FREM1: variants seen among roughly 807,000 people sequenced by gnomAD.
FREM1 encodes the protein FRAS1-related extracellular matrix protein 1.
Under a neutral mutation model 210.1 loss-of-function variants are expected in FREM1, and 220 were observed. That is an observed-to-expected ratio of 1.05 (90% confidence interval 0.94 to 1.17). FREM1 has a LOEUF of 1.17. Among genes scored for constraint, FREM1 ranks in the 50% most tolerant of loss-of-function variants. The pLI, the probability that FREM1 is intolerant of heterozygous loss-of-function variation, is 0.00. For synonymous variants in FREM1, 1,189 were observed against 980.2 expected (o/e 1.21, Z -3.98); for missense variants, 3,454 against 2,675.5 (o/e 1.29, Z -6.42).
intron 24 of FREM1, among the ~76,000 whole-genome samples, chr9:14,777,716 A>T (rs1178799571): frequency 6.6e-6 from 1 of 152,190 alleles, no homozygotes; most frequent in Admixed American, 6.5e-5. Context: ...TTTGACTAAC[A>T]ATCCCTTTAT....
chr9:14,882,641 A>G (rs1834995991), intron 1 of FREM1, among the ~76,000 whole-genome samples: 1 of 151,446 alleles, frequency 6.6e-6, no homozygotes, highest in African/African-American at 2.4e-5. Context: ...TATTTTTAGT[A>G]GAGATGGGGT....
At chr9:14,750,756 G>A (rs1040342221) in intron 29 of FREM1, among the ~76,000 whole-genome samples, 11 of 152,004 alleles carry the variant, frequency 7.2e-5, no homozygotes, top group Admixed American at 6.6e-5. Flanking sequence ...TGCCTGCATC[G>A]GCTTCCCCAC....
chr9:14,825,547 G>GTATATATATATATATATATATA (rs372128983), intron 10 of FREM1, among the ~76,000 whole-genome samples: 3 of 75,900 alleles, frequency 4.0e-5, no homozygotes, highest in Non-Finnish European at 4.9e-5. Flanking sequence ...GTGTGTGTGT[G>GTATATATATATATATATATATA]TATATATATA....
intron 35 of FREM1, 31 bp downstream of exon 35, chr9:14,746,322 C>T: frequency 2.1e-6 from 3 of 1,446,228 alleles, no homozygotes; most frequent in Admixed American, 1.7e-5. Context: ...GAAAAGAAAA[C>T]ACCAATCAAA....
intron 35 of FREM1, among the ~76,000 whole-genome samples, chr9:14,742,318 C>G (rs566877927): frequency 6.6e-6 from 1 of 152,188 alleles, no homozygotes; most frequent in South Asian, 2.1e-4. Flanking sequence ...GCAGGGGTTC[C>G]AGACACTCCT....
At chr9:14,756,254 G>T in intron 29 of FREM1, 120 bp downstream of exon 29, 2 of 708,544 alleles carry the variant, frequency 2.8e-6, no homozygotes, top group Non-Finnish European at 2.4e-6. Flanking sequence ...ATGGCTCCCT[G>T]AGGAGTTTCT....
intron 1 of FREM1, among the ~76,000 whole-genome samples, chr9:14,906,764 G>C (rs529508518): frequency 2.6e-5 from 4 of 152,334 alleles, no homozygotes; most frequent in African/African-American, 9.6e-5. Flanking sequence ...AGAGTGCACA[G>C]AGCATCTGTA....
chr9:14,739,103 TTTA>T (rs145972238), intron 36 of FREM1, among the ~76,000 whole-genome samples: 1 of 150,982 alleles, frequency 6.6e-6, no homozygotes. Context: ...ATCACCTATA[TTTA>T]TTATTATTAT....
chr9:14,810,593 T>A (rs983686933), intron 16 of FREM1, among the ~76,000 whole-genome samples: 2 of 152,190 alleles, frequency 1.3e-5, no homozygotes, highest in African/African-American at 4.8e-5. Context: ...TGGGACCAGA[T>A]AATGTTAATT....
intron 1 of FREM1, among the ~76,000 whole-genome samples, chr9:14,904,292 A>G (rs1312726648): frequency 6.6e-6 from 1 of 152,038 alleles, no homozygotes; most frequent in Non-Finnish European, 1.5e-5. Flanking sequence ...CTGGTTAAAC[A>G]TTTTTCTAAA....
At chr9:14,905,554 G>A (rs10961787) in intron 1 of FREM1, among the ~76,000 whole-genome samples, 2 of 152,170 alleles carry the variant, frequency 1.3e-5, no homozygotes, top group African/African-American at 4.8e-5. Context: ...CAATTTCATA[G>A]TCTTGAGCTC....
intron 19 of FREM1, among the ~76,000 whole-genome samples, chr9:14,803,690 C>A (rs992696442): frequency 1.3e-5 from 2 of 152,006 alleles, no homozygotes; most frequent in Non-Finnish European, 2.9e-5. Flanking sequence ...TTCATTTCAC[C>A]CTCTCTTACT....
chr9:14,784,189 C>T, intron 24 of FREM1, 181 bp downstream of exon 24: 4 of 518,088 alleles, frequency 7.7e-6, no homozygotes, highest in South Asian at 5.5e-5. Context: ...TCATTTTTTT[C>T]TCCTTTTCTT....
intron 3 of FREM1, among the ~76,000 whole-genome samples, chr9:14,862,454 G>A (rs1020214776): frequency 3.3e-5 from 5 of 152,202 alleles, no homozygotes; most frequent in Non-Finnish European, 5.9e-5. Flanking sequence ...TGACTTTTAT[G>A]AAGTCAGATA....
rs532756703 is a variant in FREM1 at position 14,762,386 on chromosome 9, T to A, written c.5205-2485A>T. 1.6e-4 allele frequency among the ~76,000 whole-genome samples: 25 copies of A among 152,286 alleles called. No individual in the cohort carries two copies. The East Asian group carries it at 4.2e-3, about 26-fold the overall frequency. On this transcript the variant is annotated intron_variant, in intron 27 of 36. Transcript: ENST00000380880. Reference sequence around the variant, plus strand: ...TAATGCTAACCATGACAAGTAAAAATCCATCAATGTCATTCTGTAGATCCT... The same window carrying A: ...TAATGCTAACCATGACAAGTAAAAAACCATCAATGTCATTCTGTAGATCCT...
At chr9:14,871,019 G>A (rs1832571535) in intron 1 of FREM1, among the ~76,000 whole-genome samples, 1 of 152,174 alleles carries the variant, frequency 6.6e-6, no homozygotes, top group Middle Eastern at 3.4e-3. Flanking sequence ...ATTCCATGGT[G>A]TATATGTGCC....
At chr9:14,854,664 T>C (rs945762123) in intron 5 of FREM1, among the ~76,000 whole-genome samples, 1 of 152,030 alleles carries the variant, frequency 6.6e-6, no homozygotes, top group Non-Finnish European at 1.5e-5. Flanking sequence ...ATAATTATGG[T>C]CTTTAAAAGC....
chr9:14,822,573 G>C (rs1212727753), intron 13 of FREM1, among the ~76,000 whole-genome samples: 1 of 152,200 alleles, frequency 6.6e-6, no homozygotes, highest in Non-Finnish European at 1.5e-5. Context: ...AAGGTGGGCA[G>C]GGGAACCGGG....
At chr9:14,825,028 A>G (rs370556513) in intron 10 of FREM1, 36 bp from the exon 11 acceptor site, 12 of 1,449,022 alleles carry the variant, frequency 8.3e-6, no homozygotes, top group Middle Eastern at 1.8e-4. Context: ...AATTTGAAAT[A>G]CCAAAAAAAC....
Sources: gnomAD v4.1 joint callset for allele counts (sites outside exome capture counted in the v4.1 genomes callset) on GRCh38, gnomAD v4.1.1 for gene constraint, MANE v1.5 for transcripts, NCBI Gene and HGNC (gene_info 2026-07-23, HGNC 2026-07-21) for gene names.